The following AP3S2 variants were observed in gnomAD, a reference collection of about 807,000 sequenced individuals.
The protein encoded by AP3S2 is adaptor related protein complex 3 subunit sigma 2, also known as AP-3 complex subunit sigma-2.
Under a neutral mutation model 23.4 loss-of-function variants are expected in AP3S2, and 22 were observed. The ratio of observed to expected loss-of-function variants is 0.94; its 90% CI spans 0.67 to 1.34. The LOEUF is 1.34. Ranked by LOEUF, AP3S2 falls within the 40% of genes most tolerant of loss-of-function variation. The pLI is 0.00. For missense variants in AP3S2, 241 were observed against 236.9 expected (o/e 1.02, Z -0.11); for synonymous variants, 86 against 87.1 (o/e 0.99, Z 0.07).
intron 4 of AP3S2, among the ~76,000 whole-genome samples, chr15:89,866,210 C>T (rs1896114440): frequency 7.5e-6 from 1 of 133,102 alleles, no homozygotes; most frequent in East Asian, 2.3e-4. Context: ...TGCAGTGAGC[C>T]GAGATCACAC....
chr15:89,849,785 G>A (rs982017477), intron 4 of AP3S2, among the ~76,000 whole-genome samples: 1 of 151,996 alleles, frequency 6.6e-6, no homozygotes, highest in Admixed American at 6.6e-5. Context: ...CCCATCAACT[G>A]GTCATCTACA....
At chr15:89,858,276 A>T (rs1057106357) in intron 4 of AP3S2, among the ~76,000 whole-genome samples, 3 of 150,144 alleles carry the variant, frequency 2.0e-5, no homozygotes, top group Admixed American at 6.7e-5. Flanking sequence ...CGTCTCTACT[A>T]AAAAAAAATA....
intron 3 of AP3S2, among the ~76,000 whole-genome samples, chr15:89,885,494 C>A (rs1395870185): frequency 6.6e-6 from 1 of 152,158 alleles, no homozygotes; most frequent in Non-Finnish European, 1.5e-5. Context: ...TGTGCCACTG[C>A]CCCAGGCCAG....
At chr15:89,881,940 C>T (rs923341020) in intron 3 of AP3S2, among the ~76,000 whole-genome samples, 2 of 151,904 alleles carry the variant, frequency 1.3e-5, no homozygotes. Flanking sequence ...CCTGCCTCAA[C>T]CCCCCAAGTA....
intron 4 of AP3S2, among the ~76,000 whole-genome samples, chr15:89,843,744 G>A (rs1435196717): frequency 6.6e-6 from 1 of 152,138 alleles, no homozygotes; most frequent in African/African-American, 2.4e-5. Flanking sequence ...GGAGGAGGAG[G>A]TTACAGTGAG....
chr15:89,879,529 G>A (rs1896521879), intron 3 of AP3S2, among the ~76,000 whole-genome samples: 1 of 152,146 alleles, frequency 6.6e-6, no homozygotes, highest in Admixed American at 6.5e-5. Context: ...AAAAAAAACT[G>A]CATGTGGAAA....
chr15:89,843,590 G>A (rs1223250482), intron 4 of AP3S2, among the ~76,000 whole-genome samples: 9 of 152,088 alleles, frequency 5.9e-5, no homozygotes, highest in African/African-American at 1.7e-4. Context: ...AGCTGAGATC[G>A]CACCATTGTA....
chr15:89,893,941 C>G lies in AP3S2; in HGVS notation c.9G>C (p.Gln3His). ...CATGGTTGTTGAAAACCAGAATCGCCTGAATCATCTTTGCCAGCCACGGTT... is the reference window on the plus strand; with the variant it reads ...CATGGTTGTTGAAAACCAGAATCGCGTGAATCATCTTTGCCAGCCACGGTT... MI[Q>H]AILVFNNHGK... The change falls in exon 1 of 6, where the codon CAG (glutamine) becomes CAC (histidine). Residue 3 changes from glutamine (Q) to histidine (H), a missense_variant. Coordinates refer to ENST00000336418, the MANE Select transcript of AP3S2 (RefSeq NM_005829.5). The G allele has an allele frequency of 6.4e-7, 1 of 1,551,622 alleles. No homozygotes were observed. Among genetic ancestry groups the G allele is most frequent in the Non-Finnish European group, 8.7e-7 (1 of 1,146,988 alleles).
At chr15:89,885,949 A>G (rs1188586130) in intron 3 of AP3S2, among the ~76,000 whole-genome samples, 1 of 152,082 alleles carries the variant, frequency 6.6e-6, no homozygotes, top group East Asian at 1.9e-4. Flanking sequence ...AAAAAAAAAA[A>G]AAAAAAATCA....
intron 3 of AP3S2, among the ~76,000 whole-genome samples, chr15:89,882,459 G>A (rs952041782): frequency 1.3e-5 from 2 of 151,592 alleles, no homozygotes; most frequent in Admixed American, 6.6e-5. Context: ...GGGTTCAAGA[G>A]GTTCTCCTAC....
chr15:89,888,451 C>T (rs1203629284), intron 3 of AP3S2, 70 bp downstream of exon 3: 4 of 1,471,466 alleles, frequency 2.7e-6, no homozygotes, highest in Non-Finnish European at 3.8e-6. Flanking sequence ...CAAGGTTCTA[C>T]AGGCTGGTTA....
intron 4 of AP3S2, among the ~76,000 whole-genome samples, chr15:89,842,400 C>T (rs559034316): frequency 2.4e-4 from 36 of 152,332 alleles, no homozygotes; most frequent in African/African-American, 8.4e-4. Flanking sequence ...AAAGGTCACA[C>T]TGTATCCCAG....
At chr15:89,887,414 C>G (rs1896724676) in intron 3 of AP3S2, among the ~76,000 whole-genome samples, 2 of 152,174 alleles carry the variant, frequency 1.3e-5, no homozygotes, top group East Asian at 1.9e-4. Flanking sequence ...CCCTGTCACC[C>G]AGGCTGGAGT....
intron 3 of AP3S2, among the ~76,000 whole-genome samples, chr15:89,873,023 A>G (rs1401836214): frequency 6.6e-6 from 1 of 152,250 alleles, no homozygotes; most frequent in Non-Finnish European, 1.5e-5. Context: ...AACCACATAC[A>G]ATAATTTCAT....
At chr15:89,837,952 C>T in intron 4 of AP3S2, 1 of 466,144 alleles carries the variant, frequency 2.1e-6, no homozygotes, top group Admixed American at 3.7e-5. Context: ...GCTATGAGCA[C>T]AGGCTTCAAA....
intron 4 of AP3S2, among the ~76,000 whole-genome samples, chr15:89,867,919 G>A (rs535349421): frequency 1.8e-4 from 23 of 129,498 alleles, no homozygotes; most frequent in South Asian, 1.1e-3. Context: ...CGGGAGGGAG[G>A]TGGGGGGGGT....
At chr15:89,840,484 G>A (rs1252120826) in intron 4 of AP3S2, among the ~76,000 whole-genome samples, 1 of 152,178 alleles carries the variant, frequency 6.6e-6, no homozygotes, top group Non-Finnish European at 1.5e-5. Context: ...CTGGAGTACA[G>A]TGGTGTGAAC....
chr15:89,878,369 T>C (rs1896492148), intron 3 of AP3S2: 5 of 589,392 alleles, frequency 8.5e-6, no homozygotes, highest in South Asian at 3.9e-5. Context: ...AAAAAGAATA[T>C]GCATACAATT....
chr15:89,879,691 C>T (rs761244036), intron 3 of AP3S2, among the ~76,000 whole-genome samples: 2 of 152,058 alleles, frequency 1.3e-5, no homozygotes, highest in African/African-American at 4.8e-5. Context: ...TTGCAACCTC[C>T]ACCTCCTGGG....
Sources: gnomAD v4.1 joint callset for allele counts (sites outside exome capture counted in the v4.1 genomes callset) on GRCh38, gnomAD v4.1.1 for gene constraint, MANE v1.5 for transcripts, NCBI Gene and HGNC (gene_info 2026-07-23, HGNC 2026-07-21) for gene names.